The following BNC2 variants were observed in gnomAD, a reference collection of about 807,000 sequenced individuals.
BNC2 encodes zinc finger protein basonuclin-2.
In BNC2, 20 loss-of-function variants were observed where a neutral mutation model predicts 76.3. The observed-to-expected ratio is 0.26, with a 90% CI of 0.18 to 0.38. BNC2 has a LOEUF of 0.38. BNC2 is among the 10% of genes least tolerant of loss of function. BNC2 has a pLI of 1.00. For synonymous variants in BNC2, 582 were observed against 514.8 expected (o/e 1.13, Z -1.77); for missense variants, 1,382 against 1,399.8 (o/e 0.99, Z 0.20).
intron 1 of BNC2, among the ~76,000 whole-genome samples, chr9:16,784,642 C>A (rs1158921352): frequency 6.6e-6 from 1 of 152,166 alleles, no homozygotes; most frequent in Non-Finnish European, 1.5e-5. Context: ...GGGCTGAGCA[C>A]TGGCAAAGTC....
intron 1 of BNC2, among the ~76,000 whole-genome samples, chr9:16,771,007 T>C (rs1018232611): frequency 2.6e-5 from 4 of 151,482 alleles, no homozygotes; most frequent in Admixed American, 6.6e-5. Context: ...CCCTCTCTAC[T>C]AAAAATACAA....
intron 1 of BNC2, among the ~76,000 whole-genome samples, chr9:16,788,329 A>G (rs10756814): frequency 0.62 from 92,912 of 150,796 alleles, 29,267 homozygotes; most frequent in Non-Finnish European, 0.69. Flanking sequence ...CAAGGTGGGC[A>G]GATCATGAAG....
intron 5 of BNC2, among the ~76,000 whole-genome samples, chr9:16,508,152 G>T (rs1354037739): frequency 3.9e-5 from 6 of 152,298 alleles, no homozygotes; most frequent in Non-Finnish European, 8.8e-5. Context: ...GGTCCGCATT[G>T]CTTCTTTGTC....
chr9:16,644,919 C>G (rs865957802), intron 3 of BNC2, among the ~76,000 whole-genome samples: 2 of 152,172 alleles, frequency 1.3e-5, no homozygotes, highest in Non-Finnish European at 2.9e-5. Flanking sequence ...AAACTAGAAA[C>G]TGTTCCAAAG....
chr9:16,678,261 C>CTTTCTCTTTTTTT (rs1473647913), intron 3 of BNC2, among the ~76,000 whole-genome samples: 4 of 75,888 alleles, frequency 5.3e-5, no homozygotes, highest in African/African-American at 5.3e-5. Context: ...TGTTTTCTTT[C>CTTTCTCTTTTTTT]TTTTTCTTTT....
intron 3 of BNC2, among the ~76,000 whole-genome samples, chr9:16,594,727 T>C (rs989769093): frequency 1.3e-5 from 2 of 152,154 alleles, no homozygotes; most frequent in South Asian, 2.1e-4. Context: ...TCCCTAAAAT[T>C]AGAGATTTTT....
chr9:16,453,683 A>C (rs1821388736), intron 5 of BNC2, among the ~76,000 whole-genome samples: 1 of 152,098 alleles, frequency 6.6e-6, no homozygotes, highest in African/African-American at 2.4e-5. Context: ...CCAGTGTCTC[A>C]TGCCTGTAAG....
intron 3 of BNC2, among the ~76,000 whole-genome samples, chr9:16,711,072 G>A (rs1016342163): frequency 1.3e-5 from 2 of 151,602 alleles, no homozygotes; most frequent in African/African-American, 4.8e-5. Flanking sequence ...AGTGCTACGT[G>A]ACACGATTTG....
intron 1 of BNC2, among the ~76,000 whole-genome samples, chr9:16,765,224 A>T (rs1391286199): frequency 1.3e-5 from 2 of 152,218 alleles, no homozygotes; most frequent in Non-Finnish European, 1.5e-5. Flanking sequence ...TAAAAACTAA[A>T]GCAATTAGAG....
At chr9:16,721,717 G>A (rs950522916) in intron 3 of BNC2, among the ~76,000 whole-genome samples, 1 of 152,114 alleles carries the variant, frequency 6.6e-6, no homozygotes, top group East Asian at 1.9e-4. Context: ...ATAACAAGCA[G>A]GGAATCCCAC....
At chr9:16,490,586 A>ATG (rs1490967625) in intron 5 of BNC2, among the ~76,000 whole-genome samples, 1 of 152,076 alleles carries the variant, frequency 6.6e-6, no homozygotes, top group African/African-American at 2.4e-5. Flanking sequence ...GGGTGTGTGT[A>ATG]TGTGTGTGTT....
At chr9:16,480,591 C>T (rs1391382125) in intron 5 of BNC2, among the ~76,000 whole-genome samples, 2 of 152,190 alleles carry the variant, frequency 1.3e-5, no homozygotes, top group Non-Finnish European at 2.9e-5. Context: ...CTTGGCGGGC[C>T]CCACACTTGG....
At chr9:16,787,843 GC>G (rs1563943343) in intron 1 of BNC2, among the ~76,000 whole-genome samples, 1 of 152,136 alleles carries the variant, frequency 6.6e-6, no homozygotes, top group Non-Finnish European at 1.5e-5. Context: ...GAGCCAACGC[GC>G]CCTGCCCTTA....
chr9:16,635,909 G>A (rs901741319), intron 3 of BNC2, among the ~76,000 whole-genome samples: 1 of 152,324 alleles, frequency 6.6e-6, no homozygotes, highest in Middle Eastern at 3.4e-3. Flanking sequence ...GGATGGTGGT[G>A]AGGGCAGGGG....
At chr9:16,751,597 C>A (rs1825197511) in intron 1 of BNC2, among the ~76,000 whole-genome samples, 1 of 56,382 alleles carries the variant, frequency 1.8e-5, no homozygotes. Flanking sequence ...GCTGCTGTCC[C>A]CAGCACAAAT....
At chr9:16,691,080 A>G (rs2134417467) in intron 3 of BNC2, among the ~76,000 whole-genome samples, 1 of 152,312 alleles carries the variant, frequency 6.6e-6, no homozygotes, top group Non-Finnish European at 1.5e-5. Flanking sequence ...ACTGTGAAAT[A>G]TGGGATAAAA....
At chr9:16,444,136 T>C (rs1331787774) in intron 5 of BNC2, among the ~76,000 whole-genome samples, 1 of 152,176 alleles carries the variant, frequency 6.6e-6, no homozygotes, top group African/African-American at 2.4e-5. Context: ...TTTGCTCCTA[T>C]TAGTGGAATA....
chr9:16,859,619 C>T (rs1395341964), intron 1 of BNC2, among the ~76,000 whole-genome samples: 1 of 152,140 alleles, frequency 6.6e-6, no homozygotes, highest in Non-Finnish European at 1.5e-5. Context: ...CAAATATGTA[C>T]TGCATGATTC....
At chr9:16,764,721 AACTTT>A (rs1393199526) in intron 1 of BNC2, among the ~76,000 whole-genome samples, 1 of 123,616 alleles carries the variant, frequency 8.1e-6, no homozygotes. Context: ...AAATTGACAT[AACTTT>A]ACTTATTTGT....
Sources: allele counts gnomAD v4.1 joint callset (sites outside exome capture counted in the v4.1 genomes callset), GRCh38; gene constraint gnomAD v4.1.1; transcripts MANE v1.5; gene names NCBI Gene and HGNC (gene_info 2026-07-23, HGNC 2026-07-21).